Variants in SH3PXD2A observed in about 807,000 individuals in gnomAD.
SH3PXD2A encodes the protein SH3 and PX domain-containing protein 2A.
In SH3PXD2A, 32 loss-of-function variants were observed where a neutral mutation model predicts 115.2. The observed-to-expected ratio is 0.28, with a 90% CI of 0.21 to 0.37. The LOEUF is 0.37. Ranked by LOEUF, SH3PXD2A falls within the 10% of genes least tolerant of loss-of-function variation. The probability of loss-of-function intolerance (pLI) is 1.00; values close to 1 mark genes in which losing one functional copy is unlikely to be tolerated. For synonymous variants in SH3PXD2A, 610 were observed against 629.1 expected (o/e 0.97, Z 0.45); for missense variants, 1,328 against 1,498.7 (o/e 0.89, Z 1.88).
In SH3PXD2A at chr10:103,599,267, CT is replaced by C. The variant is rs1408503870; in HGVS notation, c.*2548del. The C allele has an allele frequency of 1.2e-5, 1 of 81,462 alleles. No homozygotes were observed. The highest frequency in any genetic ancestry group is 2.4e-5 in the Non-Finnish European group (1 of 42,202). The allele number at this position is 81,462 out of a possible 1,614,324, so 5.0% of individuals were successfully genotyped here. ...CACTGGGGGTCAAGGAGAGGGGGTC[CT>C]TGGGGGGGGCTGGGAGAATGTGGGG... On this transcript the variant is annotated 3_prime_UTR_variant, in exon 15 of 15. Transcript: ENST00000369774.
At chr10:103,655,771 TAAAAAA>T (rs60526548) in intron 8 of SH3PXD2A, among the ~76,000 whole-genome samples, 1 of 46,188 alleles carries the variant, frequency 2.2e-5, no homozygotes, top group Non-Finnish European at 4.0e-5. Flanking sequence ...AGACCCTGTC[TAAAAAA>T]AAAAAAAAAA....
intron 3 of SH3PXD2A, among the ~76,000 whole-genome samples, chr10:103,738,434 C>G (rs1329668625): frequency 6.6e-6 from 1 of 152,214 alleles, no homozygotes; most frequent in East Asian, 1.9e-4. Flanking sequence ...ATGGGTGGCC[C>G]TGGGGCTGGA....
intron 4 of SH3PXD2A, among the ~76,000 whole-genome samples, chr10:103,733,511 A>G (rs1001495846): frequency 1.3e-5 from 2 of 152,266 alleles, no homozygotes; most frequent in Admixed American, 1.3e-4. Flanking sequence ...ACAGCCATCA[A>G]TTTAACCAGA....
intron 2 of SH3PXD2A, among the ~76,000 whole-genome samples, chr10:103,776,448 G>GTC (rs1250166318): frequency 6.7e-6 from 1 of 150,002 alleles, no homozygotes; most frequent in Non-Finnish European, 1.5e-5. Context: ...GTGTGTGTGT[G>GTC]TGTGTGTGTG....
intron 8 of SH3PXD2A, among the ~76,000 whole-genome samples, chr10:103,649,341 C>T (rs2037084694): frequency 1.3e-5 from 2 of 152,174 alleles, no homozygotes; most frequent in African/African-American, 4.8e-5. Context: ...TGCCTGAGGT[C>T]ACTTGGCTGT....
intron 2 of SH3PXD2A, among the ~76,000 whole-genome samples, chr10:103,768,204 CA>C (rs1366876788): frequency 6.6e-6 from 1 of 152,192 alleles, no homozygotes; most frequent in African/African-American, 2.4e-5. Flanking sequence ...AGACAAACAG[CA>C]AACAAGTAAG....
chr10:103,648,315 G>A (rs887170576), intron 8 of SH3PXD2A, among the ~76,000 whole-genome samples: 4 of 152,216 alleles, frequency 2.6e-5, no homozygotes, highest in African/African-American at 7.2e-5. Context: ...CTCTTTAAGC[G>A]CCAGAGCTAT....
intron 3 of SH3PXD2A, among the ~76,000 whole-genome samples, chr10:103,758,934 TG>T (rs1249293367): frequency 3.9e-5 from 6 of 152,198 alleles, no homozygotes; most frequent in Admixed American, 6.5e-5. Context: ...CTCTCTTCCT[TG>T]GGGGTTGCAG....
rs192937796 is a variant in SH3PXD2A at position 103,713,705 on chromosome 10, C to T, written c.398+10565G>A. Among the ~76,000 whole-genome samples the T allele has an allele frequency of 2.6e-5, 4 of 152,314 alleles. No individual in the cohort carries two copies. In the East Asian group the frequency reaches 7.7e-4, roughly 29 times the overall value. ...CCTGCACCTATTACAATCAGTTGTT[C>T]TTTTTCTGTCTTCCCCATTATCAGC... On this transcript the variant is annotated intron_variant, in intron 5 of 14. Coordinates refer to ENST00000369774, the MANE Select transcript of SH3PXD2A (RefSeq NM_001394015.1).
chr10:103,826,873 G>A (rs1026167652), intron 1 of SH3PXD2A, among the ~76,000 whole-genome samples: 1 of 152,182 alleles, frequency 6.6e-6, no homozygotes, highest in Admixed American at 6.5e-5. Context: ...CTTTTCATAA[G>A]GTTGGCAAAG....
intron 3 of SH3PXD2A, among the ~76,000 whole-genome samples, chr10:103,765,156 C>T (rs2038740714): frequency 6.6e-6 from 1 of 152,164 alleles, no homozygotes; most frequent in African/African-American, 2.4e-5. Context: ...TATTGGTAAT[C>T]AGCAGAGCCA....
At chr10:103,804,763 G>A (rs993235786) in intron 1 of SH3PXD2A, among the ~76,000 whole-genome samples, 7 of 152,124 alleles carry the variant, frequency 4.6e-5, no homozygotes, top group Admixed American at 4.6e-4. Context: ...CAGAACTGGG[G>A]GCCCAGACAG....
At chr10:103,687,200 G>C (rs892773652) in intron 6 of SH3PXD2A, among the ~76,000 whole-genome samples, 2 of 152,140 alleles carry the variant, frequency 1.3e-5, no homozygotes, top group African/African-American at 4.8e-5. Context: ...GCGGACAGCA[G>C]CTCCAGCCTG....
At chr10:103,688,191 C>T (rs1035051426) in intron 6 of SH3PXD2A, among the ~76,000 whole-genome samples, 1 of 152,218 alleles carries the variant, frequency 6.6e-6, no homozygotes. Context: ...ACCAAAGCCT[C>T]CCGCTCTCTG....
chr10:103,660,545 G>A (rs1252366345), intron 8 of SH3PXD2A, among the ~76,000 whole-genome samples: 1 of 152,172 alleles, frequency 6.6e-6, no homozygotes, highest in Non-Finnish European at 1.5e-5. Flanking sequence ...AGCGACCCGG[G>A]GACCCTGGAC....
At chr10:103,841,532 G>A (rs1473527569) in intron 1 of SH3PXD2A, among the ~76,000 whole-genome samples, 1 of 152,178 alleles carries the variant, frequency 6.6e-6, no homozygotes, top group African/African-American at 2.4e-5. Context: ...GTTTTGGCCA[G>A]TTTCAGTCTC....
chr10:103,824,934 C>G (rs187625780), intron 1 of SH3PXD2A, among the ~76,000 whole-genome samples: 23 of 152,306 alleles, frequency 1.5e-4, no homozygotes, highest in Non-Finnish European at 2.5e-4. Flanking sequence ...CCCTGAGTAG[C>G]TGGAGTTACA....
chr10:103,806,821 G>A (rs2039207351), intron 1 of SH3PXD2A, among the ~76,000 whole-genome samples: 1 of 152,180 alleles, frequency 6.6e-6, no homozygotes, highest in African/African-American at 2.4e-5. Context: ...AGCTTCCCCT[G>A]GGTCAGTCCA....
chr10:103,789,948 G>A (rs1037039395), intron 2 of SH3PXD2A, among the ~76,000 whole-genome samples: 23 of 152,172 alleles, frequency 1.5e-4, no homozygotes, highest in African/African-American at 5.1e-4. Context: ...ACGGTGTGCA[G>A]GAGATGTGGG....
Sources: gnomAD v4.1 joint callset for allele counts (sites outside exome capture counted in the v4.1 genomes callset) on GRCh38, gnomAD v4.1.1 for gene constraint, MANE v1.5 for transcripts, NCBI Gene and HGNC (gene_info 2026-07-23, HGNC 2026-07-21) for gene names.